Variants in DNAH10 observed in about 807,000 individuals in gnomAD.
DNAH10 encodes dynein axonemal heavy chain 10, also known as axonemal beta dynein heavy chain 10.
A neutral mutation model predicts 506.6 loss-of-function variants in DNAH10; 348 were observed. That is an observed-to-expected ratio of 0.69 (90% CI 0.63 to 0.75). DNAH10 has a LOEUF of 0.75. Ranked by LOEUF, DNAH10 falls within the 30% of genes least tolerant of loss-of-function variation. DNAH10 has a pLI of 0.00. For missense variants in DNAH10, 5,179 were observed against 5,787.1 expected (o/e 0.89, Z 3.41); for synonymous variants, 2,059 against 2,198.6 (o/e 0.94, Z 1.78).
rs1178439115 is a variant in DNAH10 at position 123,926,245 on chromosome 12, AAAAAAAAAAAG to A, written c.11922-386_11922-376del. ...GATTATATATTTCAATTTAAAAAAA[AAAAAAAAAAAG>A]AAAAAGAAAAAACCCACACACAAAA... On this transcript the variant is annotated intron_variant, in intron 68 of 78. Coordinates refer to ENST00000673944, the MANE Select transcript of DNAH10 (RefSeq NM_001372106.1). This position sits in a 1 kb window ranked among gnomAD's most constrained non-coding sequence, Gnocchi z 4.1. 6.6e-6 allele frequency among the ~76,000 whole-genome samples: 1 copy of A among 151,338 alleles called. No individual in the cohort carries two copies. Among genetic ancestry groups the A allele is most frequent in the African/African-American group, 2.4e-5 (1 of 41,306 alleles).
At position 123,931,931 on chromosome 12, in the gene DNAH10, T is replaced by C; in HGVS notation, c.13129-10T>C. On this transcript the variant is annotated splice_polypyrimidine_tract_variant and intron_variant, in intron 75 of 78. Transcript: ENST00000673944. ...TAGAGTCCTGCCCGATTGCTCTTGATTCTAAATAGGCCTTGGCTGGAGAAG... is the reference window on the plus strand; with the variant it reads ...TAGAGTCCTGCCCGATTGCTCTTGACTCTAAATAGGCCTTGGCTGGAGAAG... The C allele has an allele frequency of 6.2e-7, 1 of 1,613,942 alleles. No individual in the cohort carries two copies. The highest frequency in any genetic ancestry group is 8.5e-7 in the Non-Finnish European group (1 of 1,179,840).
At chr12:123,830,436 C>T (rs922463379) in intron 25 of DNAH10, 110 bp from the exon 26 acceptor site, 82 of 1,235,498 alleles carry the variant, frequency 6.6e-5, no homozygotes, top group Non-Finnish European at 9.0e-5. Context: ...TGCAGAATTT[C>T]ATTATAAGAA....
chr12:123,820,589 T>A lies in DNAH10; in HGVS notation c.4010T>A (p.Leu1337His). The change falls in exon 24 of 79, where the codon CTT (leucine) becomes CAT (histidine). Residue 1337 changes from leucine to histidine, a missense_variant. Leu to His is a moderately conservative substitution (Grantham distance 99). This residue lies in a region of DNAH10 where 4,844 missense variants were observed against 5,430.5 expected (regional missense o/e 0.89). Transcript: ENST00000673944. ...VGDDLDKGVELLGVYERELAR... is the reference protein window; with the variant it reads ...VGDDLDKGVEHLGVYERELAR... ...TGTATTTATTTACTAGGAGTAGAGC[T>A]TTTAGGTGTTTATGAAAGAGAGCTG... 6.2e-7 allele frequency: 1 copy of A among 1,613,790 alleles called. No homozygotes were observed. Among genetic ancestry groups the A allele is most frequent in the Non-Finnish European group, 8.5e-7 (1 of 1,179,820 alleles).
intron 78 of DNAH10, 41 bp from the exon 79 acceptor site, chr12:123,935,294 C>T (rs573635656): frequency 1.9e-6 from 3 of 1,588,310 alleles, no homozygotes; most frequent in South Asian, 1.1e-5. Flanking sequence ...CCCTCTGCAC[C>T]CTCTCTCCGT....
Position 123,902,944 on chromosome 12 carries a change from G to A in DNAH10, c.9646G>A (p.Glu3216Lys), listed in dbSNP as rs201058435. Residue 3216 changes from glutamate to lysine, a missense_variant, in exon 57 of 79, where the codon GAG becomes AAG. Glu to Lys is a moderately conservative substitution (Grantham distance 56). Around this residue, in one of 3 missense-constraint regions of DNAH10, gnomAD observed 4,844 missense variants for 5,430.5 expected, o/e 0.89. Transcript: ENST00000673944. This position sits in a 1 kb window ranked among gnomAD's most constrained non-coding sequence, Gnocchi z 4.5. ...CCCCCTGTCCTACCCTGCAGCCGAG[G>A]AGAAGAAGAAACTGGCAGAGGAAAA... is the stretch of plus-strand genomic sequence containing the variant. ...EIAVNTAVAE[E>K]KKKLAEEKAM... The A allele has an allele frequency of 1.5e-4, 233 of 1,584,152 alleles. 3 individuals carry two copies. The East Asian group carries it at 5.1e-3, about 34-fold the overall frequency.
chr12:123,814,808 A>G lies in DNAH10; in HGVS notation c.3780+896A>G, dbSNP rs567911149. Among the ~76,000 whole-genome samples the G allele has an allele frequency of 3.3e-4, 50 of 151,990 alleles. 1 individual carries two copies. The highest frequency in any genetic ancestry group is 8.0e-4 in the African/African-American group (33 of 41,460). ...TATTTTTTGTATTTTTAGTAGAGACAGGGTTTTACTATGTTAGCCAGGATG... is the reference window on the plus strand; with the variant it reads ...TATTTTTTGTATTTTTAGTAGAGACGGGGTTTTACTATGTTAGCCAGGATG... On this transcript the variant is annotated intron_variant, in intron 21 of 78. Coordinates refer to ENST00000673944, the MANE Select transcript of DNAH10 (RefSeq NM_001372106.1).
At chr12:123,792,603 G>T (rs148641518) in intron 11 of DNAH10, among the ~76,000 whole-genome samples, 162 of 152,216 alleles carry the variant, frequency 1.1e-3, no homozygotes, top group African/African-American at 3.8e-3. Context: ...GGGGTTACAG[G>T]TGTGTGCCAC....
Position 123,813,620 on chromosome 12 carries a change from A to T in DNAH10, c.3601A>T (p.Asn1201Tyr). 3 of 1,614,198 alleles carry T rather than the reference A, an allele frequency of 1.9e-6. No individual in the cohort carries two copies. Among genetic ancestry groups the T allele is most frequent in the Non-Finnish European group, 2.5e-6 (3 of 1,180,018 alleles). The change falls in exon 20 of 79, where the codon AAT becomes TAT. Residue 1201 changes from asparagine (N) to tyrosine (Y), a missense_variant. By Grantham distance (143) the Asn-to-Tyr change is moderately radical. Coordinates refer to ENST00000673944, the MANE Select transcript of DNAH10 (RefSeq NM_001372106.1). ...TGAGTCAGCAAAAGAGGAGCTCTAT[A>T]ATCTCCATGAAGAGATGGAGGTACT... ...LNESAKEELY[N>Y]LHEEMEHLAK...
Position 123,928,714 on chromosome 12 carries a change from C to T in DNAH10, c.12306+127C>T, listed in dbSNP as rs985161706. The T allele has an allele frequency of 1.3e-5, 14 of 1,102,848 alleles. No individual in the cohort carries two copies. Among genetic ancestry groups the T allele is most frequent in the Non-Finnish European group, 1.8e-5 (14 of 791,216 alleles). The allele number at this position is 1,102,848 out of a possible 1,614,324, so 68.3% of individuals were successfully genotyped here. A position where few individuals can be genotyped will look rare whatever the true frequency, so the allele number is the denominator to read the frequency against. ...ACCTTAGGCTGCAGGTGAAACCTTG[C>T]GGTTGAAACCCTTCTCAATCCCACC... On this transcript the variant is annotated intron_variant, in intron 70 of 78. Transcript: ENST00000673944. This position sits in a 1 kb window ranked among gnomAD's most constrained non-coding sequence, Gnocchi z 4.9.
intron 52 of DNAH10, among the ~76,000 whole-genome samples, chr12:123,892,341 A>G (rs1953022993): frequency 6.6e-6 from 1 of 152,286 alleles, no homozygotes; most frequent in African/African-American, 2.4e-5. Context: ...GGGAGGGGCC[A>G]CACACTTTCA....
chr12:123,803,104 C>A (rs181000578), intron 16 of DNAH10, among the ~76,000 whole-genome samples: 2 of 152,194 alleles, frequency 1.3e-5, no homozygotes, highest in Admixed American at 1.3e-4. Context: ...TCAATTTTTC[C>A]TTTAATGGGT....
intron 51 of DNAH10, among the ~76,000 whole-genome samples, chr12:123,883,842 C>T (rs902691577): frequency 1.3e-5 from 2 of 152,130 alleles, no homozygotes; most frequent in Non-Finnish European, 2.9e-5. Flanking sequence ...ATGCAATGGA[C>T]TGAAGTTTTG....
intron 50 of DNAH10, among the ~76,000 whole-genome samples, chr12:123,880,290 A>G (rs2137055507): frequency 6.6e-6 from 1 of 152,288 alleles, no homozygotes; most frequent in South Asian, 2.1e-4. Context: ...CCTCTGGACA[A>G]AAGGAGGGAG....
At chr12:123,788,698 T>TG (rs1957958577) in intron 10 of DNAH10, among the ~76,000 whole-genome samples, 1 of 151,992 alleles carries the variant, frequency 6.6e-6, no homozygotes, top group Non-Finnish European at 1.5e-5. Context: ...GAGGCTGGGG[T>TG]GGGAGGATCC....
chr12:123,861,036 C>T lies in DNAH10; in HGVS notation c.6774C>T (p.Tyr2258=), dbSNP rs1471472992. 7.4e-6 allele frequency: 12 copies of T among 1,613,844 alleles called. No individual in the cohort carries two copies. Among genetic ancestry groups the T allele is most frequent in the Middle Eastern group, 1.6e-4 (1 of 6,082 alleles). The change falls in exon 39 of 79, where the codon TAC becomes TAT. Residue 2258 remains tyrosine, a synonymous_variant. Coordinates refer to ENST00000673944, the MANE Select transcript of DNAH10 (RefSeq NM_001372106.1). ...QTKLGLTTKL[Y]ILNPKAVSVI... is the part of the protein sequence containing the mutation. Reference sequence around the variant, plus strand: ...GGCTTGGGCTGACGACAAAGTTGTACATCCTGAACCCCAAAGCCGTGAGTG... The same window carrying T: ...GGCTTGGGCTGACGACAAAGTTGTATATCCTGAACCCCAAAGCCGTGAGTG...
rs545199812 is a variant in DNAH10, at chr12:123,845,743, G to A, written c.5504G>A (p.Arg1835Gln). ...AAGAACTATGGCAGGAAAATGCACCGGCAGATCGATGAGTTGGTAACGCGC... is the reference window on the plus strand; with the variant it reads ...AAGAACTATGGCAGGAAAATGCACCAGCAGATCGATGAGTTGGTAACGCGC... ...AMKNYGRKMH[R>Q]QIDELVTRIT... Residue 1835 changes from arginine (R) to glutamine (Q), a missense_variant, in exon 31 of 79, where the codon CGG becomes CAG. Arg to Gln is a conservative substitution (Grantham distance 43, BLOSUM62 1). This residue lies in a region of DNAH10 where 4,844 missense variants were observed against 5,430.5 expected (regional missense o/e 0.89). Transcript: ENST00000673944. The A allele has an allele frequency of 8.1e-6, 13 of 1,613,954 alleles. No homozygotes were observed. Among genetic ancestry groups the A allele is most frequent in the Middle Eastern group, 1.6e-4 (1 of 6,062 alleles).
At chr12:123,914,687 C>T (rs938524156) in intron 61 of DNAH10, 137 bp downstream of exon 61, 42 of 1,387,216 alleles carry the variant, frequency 3.0e-5, no homozygotes, top group Middle Eastern at 2.2e-4. Context: ...TGGAAGTGGC[C>T]GGGCAAGCTG....
chr12:123,822,215 A>G (rs1959484604), intron 24 of DNAH10, among the ~76,000 whole-genome samples: 1 of 152,180 alleles, frequency 6.6e-6, no homozygotes, highest in African/African-American at 2.4e-5. Context: ...TCAAAAAATA[A>G]AAATAAAAAA....
chr12:123,877,089 C>G (rs1173670187), intron 47 of DNAH10, among the ~76,000 whole-genome samples: 1 of 152,234 alleles, frequency 6.6e-6, no homozygotes, highest in Non-Finnish European at 1.5e-5. Flanking sequence ...TTTCATCACC[C>G]TGGAAGGAAA....
Sources: allele counts gnomAD v4.1 joint callset (sites outside exome capture counted in the v4.1 genomes callset), GRCh38; gene constraint gnomAD v4.1.1; regional missense constraint gnomAD v4.1.1; non-coding constraint Gnocchi (gnomAD v3.1); transcripts MANE v1.5; gene names NCBI Gene and HGNC (gene_info 2026-07-23, HGNC 2026-07-21).